The following CNBD1 variants were observed in gnomAD, a reference collection of about 807,000 sequenced individuals.
The protein encoded by CNBD1 is cyclic nucleotide binding domain containing 1.
In CNBD1, 71 loss-of-function variants were observed where a neutral mutation model predicts 54.4. The ratio of observed to expected loss-of-function variants is 1.30; its 90% CI spans 1.08 to 1.59. The LOEUF is 1.59. CNBD1 is among the 40% of genes most tolerant of loss of function. The pLI is 0.00. For missense variants in CNBD1, 659 were observed against 518.0 expected, an observed-to-expected ratio of 1.27 and a Z score of -2.64; for synonymous variants, 182 against 170.7, an observed-to-expected ratio of 1.07 and a Z score of -0.51.
intron 8 of CNBD1, among the ~76,000 whole-genome samples, chr8:87,305,456 T>G (rs1437947378): frequency 1.3e-5 from 2 of 151,996 alleles, no homozygotes; most frequent in Non-Finnish European, 2.9e-5. Context: ...CAAAGCAAGA[T>G]TAAGCAAAAA....
At chr8:87,321,957 C>T (rs1010139323) in intron 8 of CNBD1, among the ~76,000 whole-genome samples, 1 of 146,752 alleles carries the variant, frequency 6.8e-6, no homozygotes, top group African/African-American at 2.5e-5. Flanking sequence ...TCCCCGCTCC[C>T]CCCACCCCAC....
Position 87,370,076 on chromosome 8 carries a change from C to T in CNBD1, c.1304-12544C>T, listed in dbSNP as rs569140004. Among the ~76,000 whole-genome samples the T allele has an allele frequency of 2.3e-3, 354 of 152,034 alleles. 2 individuals are homozygous for T. Among genetic ancestry groups the T allele is most frequent in the African/African-American group, 7.2e-3 (299 of 41,444 alleles). ...ATGAACTCATCATTTTTTATGGCTG[C>T]ATAGTATTCCATGGTGTATATGTGC... On this transcript the variant is annotated intron_variant, in intron 10 of 10. Coordinates refer to ENST00000518476, the MANE Select transcript of CNBD1 (RefSeq NM_173538.3).
At chr8:86,991,196 C>G (rs1430300450) in intron 4 of CNBD1, among the ~76,000 whole-genome samples, 1 of 152,054 alleles carries the variant, frequency 6.6e-6, no homozygotes, top group Non-Finnish European at 1.5e-5. Context: ...ATTGCTCTGT[C>G]TACGATTCCT....
chr8:87,284,062 A>G (rs963380610), intron 6 of CNBD1, among the ~76,000 whole-genome samples: 15 of 152,086 alleles, frequency 9.9e-5, no homozygotes, highest in African/African-American at 2.9e-4. Context: ...GAAGCTCCTC[A>G]GCCTCTCATA....
At chr8:87,336,589 G>A (rs924076167) in intron 8 of CNBD1, among the ~76,000 whole-genome samples, 4 of 152,072 alleles carry the variant, frequency 2.6e-5, no homozygotes, top group Admixed American at 2.6e-4. Context: ...CCAGTTAGCA[G>A]CTCCTCTAAC....
chr8:87,328,013 G>GA (rs1257934335), intron 8 of CNBD1, among the ~76,000 whole-genome samples: 3 of 151,878 alleles, frequency 2.0e-5, no homozygotes, highest in African/African-American at 7.3e-5. Context: ...TACATGTGCA[G>GA]AAAATGCAGG....
At chr8:87,275,808 G>A (rs1261676665) in intron 6 of CNBD1, among the ~76,000 whole-genome samples, 1 of 151,582 alleles carries the variant, frequency 6.6e-6, no homozygotes, top group Non-Finnish European at 1.5e-5. Flanking sequence ...TGACATGATT[G>A]TATATCTAGA....
At chr8:87,125,341 G>A (rs1484844517) in intron 4 of CNBD1, among the ~76,000 whole-genome samples, 7 of 151,618 alleles carry the variant, frequency 4.6e-5, no homozygotes, top group Non-Finnish European at 1.0e-4. Flanking sequence ...TGAGCAAAAA[G>A]AACAAAGTGG....
At chr8:87,326,981 T>C (rs1445529355) in intron 8 of CNBD1, among the ~76,000 whole-genome samples, 1 of 140,340 alleles carries the variant, frequency 7.1e-6, no homozygotes, top group Non-Finnish European at 1.6e-5. Flanking sequence ...GATGGGTTTT[T>C]GGTGTGGATG....
chr8:86,879,214 ATAT>A (rs1269501852), intron 1 of CNBD1, among the ~76,000 whole-genome samples: 1 of 152,144 alleles, frequency 6.6e-6, no homozygotes, highest in African/African-American at 2.4e-5. Context: ...AATTTACTAA[ATAT>A]TATTTAAATC....
intron 5 of CNBD1, among the ~76,000 whole-genome samples, chr8:87,219,301 A>T (rs1398973435): frequency 6.6e-6 from 1 of 152,060 alleles, no homozygotes; most frequent in Non-Finnish European, 1.5e-5. Context: ...GGTAAGGATG[A>T]ATGTGACTGA....
At chr8:87,371,536 A>G (rs1351530600) in intron 10 of CNBD1, among the ~76,000 whole-genome samples, 1 of 152,026 alleles carries the variant, frequency 6.6e-6, no homozygotes, top group Non-Finnish European at 1.5e-5. Flanking sequence ...CACAACCAAA[A>G]AAGAGAATTT....
intron 4 of CNBD1, among the ~76,000 whole-genome samples, chr8:87,160,044 G>GAT (rs1442271243): frequency 6.6e-6 from 1 of 151,636 alleles, no homozygotes; most frequent in Non-Finnish European, 1.5e-5. Flanking sequence ...GTCATTCCTA[G>GAT]ATATATATAC....
chr8:86,978,557 T>G (rs1808396696), intron 4 of CNBD1, among the ~76,000 whole-genome samples: 2 of 129,612 alleles, frequency 1.5e-5, no homozygotes, highest in African/African-American at 6.1e-5. Flanking sequence ...TTTTTTTTTT[T>G]TTGAGGCGAA....
chr8:87,147,330 C>T (rs898099777), intron 4 of CNBD1, among the ~76,000 whole-genome samples: 3 of 152,112 alleles, frequency 2.0e-5, no homozygotes, highest in Admixed American at 6.5e-5. Flanking sequence ...ATTTTTCACA[C>T]AAGCCATTAG....
In CNBD1 at chr8:87,245,492, A is replaced by G. The variant is rs546359863; in HGVS notation, c.771+8380A>G. ...TACATCTTCCCATTTTTTTAATATA[A>G]CTGTTTCTTATTTTACTACATTTAT... is the stretch of plus-strand genomic sequence containing the variant. On this transcript the variant is annotated intron_variant, in intron 6 of 10. Coordinates refer to ENST00000518476, the MANE Select transcript of CNBD1 (RefSeq NM_173538.3). Among the ~76,000 whole-genome samples the G allele has an allele frequency of 3.3e-5, 5 of 152,078 alleles. No individual in the cohort carries two copies. The South Asian group carries it at 1.0e-3, about 31-fold the overall frequency.
chr8:87,193,342 T>A (rs1372284999), intron 4 of CNBD1, among the ~76,000 whole-genome samples: 2 of 152,202 alleles, frequency 1.3e-5, no homozygotes, highest in African/African-American at 2.4e-5. Context: ...ACTTGCTTTA[T>A]TGATTTAGTA....
At chr8:87,014,414 T>C (rs1809310037) in intron 4 of CNBD1, among the ~76,000 whole-genome samples, 1 of 152,040 alleles carries the variant, frequency 6.6e-6, no homozygotes, top group Non-Finnish European at 1.5e-5. Context: ...TTATAAAATA[T>C]TGTTGGCTTA....
intron 2 of CNBD1, among the ~76,000 whole-genome samples, chr8:87,413,063 T>A (rs932302630): frequency 2.0e-5 from 3 of 151,900 alleles, no homozygotes; most frequent in African/African-American, 7.2e-5. Context: ...TTCTAAAAGA[T>A]TTAGGGGCTC....
Sources: allele counts gnomAD v4.1 joint callset (sites outside exome capture counted in the v4.1 genomes callset), GRCh38; gene constraint gnomAD v4.1.1; transcripts MANE v1.5; gene names NCBI Gene and HGNC (gene_info 2026-07-23, HGNC 2026-07-21).